The following ELP1 variants were observed in gnomAD, a reference collection of about 807,000 sequenced individuals.
ELP1 encodes the protein elongator complex protein 1.
In ELP1, 131 loss-of-function variants were observed where a neutral mutation model predicts 183.2. The observed-to-expected ratio is 0.72, with a 90% confidence interval of 0.62 to 0.83. The LOEUF is 0.83. Ranked by LOEUF, ELP1 falls within the 40% of genes least tolerant of loss-of-function variation. The probability of loss-of-function intolerance (pLI) is 0.00; values close to 1 mark genes in which losing one functional copy is unlikely to be tolerated. For missense variants in ELP1, 1,550 were observed against 1,594.9 expected, an observed-to-expected ratio of 0.97 and a Z score of 0.48; for synonymous variants, 555 against 569.0, an observed-to-expected ratio of 0.98 and a Z score of 0.35.
At chr9:108,876,422 A>T (rs1358684877) in intron 35 of ELP1, among the ~76,000 whole-genome samples, 1 of 152,220 alleles carries the variant, frequency 6.6e-6, no homozygotes, top group Non-Finnish European at 1.5e-5. Flanking sequence ...AAGTGCTTTT[A>T]CACACACCCT....
chr9:108,899,454 C>T (rs1587894227), intron 20 of ELP1, among the ~76,000 whole-genome samples: 1 of 152,056 alleles, frequency 6.6e-6, no homozygotes, highest in Non-Finnish European at 1.5e-5. Context: ...GGGTCATAGG[C>T]CCCGCTGTAA....
intron 35 of ELP1, among the ~76,000 whole-genome samples, 160 bp downstream of exon 35, chr9:108,877,835 A>G (rs1466305934): frequency 6.6e-6 from 1 of 152,252 alleles, no homozygotes; most frequent in Non-Finnish European, 1.5e-5. Context: ...CTACAGGCAA[A>G]TATCAAATCT....
chr9:108,901,557 G>A (rs776804096), intron 17 of ELP1, 27 bp from the exon 18 acceptor site: 3 of 1,609,950 alleles, frequency 1.9e-6, no homozygotes, highest in South Asian at 2.2e-5. Context: ...GAGAGGCATG[G>A]GTGAAAGCTA....
Position 108,878,622 on chromosome 9 carries a change from C to A in ELP1, c.3700+1G>T. On this transcript the variant is annotated splice_donor_variant, in intron 34 of 36. Transcript: ENST00000374647. LOFTEE classifies it high-confidence loss of function. ...AATCATCATCAGGACTGAGAATATA[C>A]CTTTCAGGTTTTCAGTGTTCTGCAC... 2 of 1,614,176 alleles carry A rather than the reference C, an allele frequency of 1.2e-6. No individual in the cohort carries two copies. The highest frequency in any genetic ancestry group is 1.7e-6 in the Non-Finnish European group (2 of 1,180,030).
chr9:108,915,933 G>A (rs959974436), intron 10 of ELP1, among the ~76,000 whole-genome samples: 25 of 151,938 alleles, frequency 1.6e-4, no homozygotes, highest in Admixed American at 1.5e-3. Flanking sequence ...TGTGGATTTT[G>A]GCGTCCATGG....
At chr9:108,914,799 G>T (rs1829369778) in intron 10 of ELP1, among the ~76,000 whole-genome samples, 1 of 152,046 alleles carries the variant, frequency 6.6e-6, no homozygotes, top group Non-Finnish European at 1.5e-5. Flanking sequence ...CTAATTTTTT[G>T]TATTTTTAGT....
intron 14 of ELP1, among the ~76,000 whole-genome samples, chr9:108,904,205 A>AT (rs1416125075): frequency 6.6e-6 from 1 of 150,642 alleles, no homozygotes; most frequent in African/African-American, 2.4e-5. Context: ...TCACCATTAC[A>AT]TTTTTTCCCT....
Position 108,903,689 on chromosome 9 carries a change from G to A in ELP1, c.1644-20C>T, listed in dbSNP as rs781511007. On this transcript the variant is annotated intron_variant, in intron 14 of 36. Transcript: ENST00000374647. ...GATGAACTGACAAAAAAAAGGAGAAGGGAGTGTAAACAGACCATTTTTCTC... is the reference window on the plus strand; with the variant it reads ...GATGAACTGACAAAAAAAAGGAGAAAGGAGTGTAAACAGACCATTTTTCTC... 19 of 1,572,902 alleles carry A rather than the reference G, an allele frequency of 1.2e-5. No individual in the cohort carries two copies. The African/African-American group carries it at 2.2e-4, about 18-fold the overall frequency.
intron 5 of ELP1, among the ~76,000 whole-genome samples, 187 bp downstream of exon 5, chr9:108,926,336 G>A (rs1420765848): frequency 1.3e-5 from 2 of 152,164 alleles, no homozygotes; most frequent in Non-Finnish European, 2.9e-5. Context: ...CCTCAGACCT[G>A]GAGAGGCATC....
At chr9:108,872,804 G>GAAAAAAAAAAAAAAAAAAAAAAAA (rs58139943) in intron 36 of ELP1, among the ~76,000 whole-genome samples, 1 of 83,380 alleles carries the variant, frequency 1.2e-5, no homozygotes, top group Non-Finnish European at 2.0e-5. Flanking sequence ...GACTCTGTCT[G>GAAAAAAAAAAAAAAAAAAAAAAAA]AAAAAAAAAA....
chr9:108,901,424 C>CT lies in ELP1; in HGVS notation c.2014dup (p.Thr672AsnfsTer68). 1 of 1,600,182 alleles carries CT rather than the reference C, an allele frequency of 6.2e-7. No individual in the cohort carries two copies. The highest frequency in any genetic ancestry group is 1.1e-5 in the South Asian group (1 of 90,806). On this transcript the variant is annotated frameshift_variant and splice_region_variant. Coordinates refer to ENST00000374647, the MANE Select transcript of ELP1 (RefSeq NM_003640.5). LOFTEE classifies it high-confidence loss of function. The stretch of plus-strand genomic sequence containing the variant: ...TTCTGTTTTATACATTGAAAACTTA[C>CT]TTTTAAATGAAGCATCCCTCAGGCA...
At chr9:108,889,947 A>T (rs1587883246) in intron 28 of ELP1, among the ~76,000 whole-genome samples, 1 of 152,216 alleles carries the variant, frequency 6.6e-6, no homozygotes, top group African/African-American at 2.4e-5. Context: ...TCTCTTGTGT[A>T]AACTGCCTAC....
chr9:108,869,043 G>A lies in ELP1; in HGVS notation c.*72C>T, dbSNP rs545227546. 7.5e-7 allele frequency: 1 copy of A among 1,332,468 alleles called. No homozygotes were observed. Among genetic ancestry groups the A allele is most frequent in the African/African-American group, 1.4e-5 (1 of 69,324 alleles). 82.5% of individuals were successfully genotyped at this position (1,332,468 alleles called of 1,614,324 possible). Reference sequence around the variant, plus strand: ...GTTCTCAATAGCCAGCCCTCAAAGAGCAAGGGGTGGTAGGACAACAGGAAT... The same window carrying A: ...GTTCTCAATAGCCAGCCCTCAAAGAACAAGGGGTGGTAGGACAACAGGAAT... On this transcript the variant is annotated 3_prime_UTR_variant, in exon 37 of 37. Coordinates refer to ENST00000374647, the MANE Select transcript of ELP1 (RefSeq NM_003640.5).
chr9:108,872,825 A>AC (rs1827533281), intron 36 of ELP1, among the ~76,000 whole-genome samples: 1 of 122,188 alleles, frequency 8.2e-6, no homozygotes, highest in South Asian at 2.5e-4. Flanking sequence ...AAAAAAAAAA[A>AC]AAAAAAAAAA....
intron 7 of ELP1, 81 bp from the exon 8 acceptor site, chr9:108,918,982 C>T (rs1451581394): frequency 4.8e-6 from 5 of 1,035,766 alleles, no homozygotes; most frequent in African/African-American, 3.1e-5. Context: ...ATTCAAACAC[C>T]TTCCTTACAA....
rs377678882 is a variant in ELP1, at chr9:108,898,783, T to C, written c.2205-34A>G. The C allele has an allele frequency of 8.1e-4, 1,222 of 1,513,588 alleles. 4 individuals carry two copies. The highest frequency in any genetic ancestry group is 1.6e-3 in the Middle Eastern group (9 of 5,458). The allele number at this position is 1,513,588 out of a possible 1,614,324, so 93.8% of individuals were successfully genotyped here. Reference sequence around the variant, plus strand: ...AGACAGAGAAAGAATAGAAAAGATATTCACAAAAACTGAGCTCCATGGGCC... The same window carrying C: ...AGACAGAGAAAGAATAGAAAAGATACTCACAAAAACTGAGCTCCATGGGCC... On this transcript the variant is annotated intron_variant, in intron 20 of 36. Transcript: ENST00000374647.
chr9:108,895,106 G>A (rs950915), intron 25 of ELP1, among the ~76,000 whole-genome samples: 57,236 of 151,998 alleles, frequency 0.38, 11,104 homozygotes, highest in South Asian at 0.46. Flanking sequence ...AAACTTAGCC[G>A]GGCATGGTGG....
chr9:108,879,505 A>G lies in ELP1; in HGVS notation c.3513T>C (p.Ser1171=), dbSNP rs199617076. ...QESDLFSETS[S]VVSGSEMSGK... Reference sequence around the variant, plus strand: ...CACTCATCTCACTGCCACTCACGACACTGCTAGTTTCAGAGAAGAGGTCTG... The same window carrying G: ...CACTCATCTCACTGCCACTCACGACGCTGCTAGTTTCAGAGAAGAGGTCTG... The change falls in exon 33 of 37, where the codon AGT becomes AGC. Residue 1171 remains serine (S), a synonymous_variant. Transcript: ENST00000374647. 1.4e-4 allele frequency: 222 copies of G among 1,614,118 alleles called. 1 individual carries two copies. The East Asian group carries it at 4.9e-3, about 36-fold the overall frequency.
intron 9 of ELP1, among the ~76,000 whole-genome samples, chr9:108,917,255 G>A (rs889638049): frequency 6.6e-6 from 1 of 152,114 alleles, no homozygotes; most frequent in African/African-American, 2.4e-5. Context: ...ATCACCTGAG[G>A]TCAGGGGTTT....
Sources: allele counts gnomAD v4.1 joint callset (sites outside exome capture counted in the v4.1 genomes callset), GRCh38; gene constraint gnomAD v4.1.1; transcripts MANE v1.5; gene names NCBI Gene and HGNC (gene_info 2026-07-23, HGNC 2026-07-21).